The following DPP10 variants were observed in gnomAD, a reference collection of about 807,000 sequenced individuals.
The protein encoded by DPP10 is dipeptidyl peptidase like 10, also known as inactive dipeptidyl peptidase 10.
Under a neutral mutation model 120.9 loss-of-function variants are expected in DPP10, and 33 were observed. The observed-to-expected ratio is 0.27, with a 90% CI of 0.21 to 0.37. DPP10 has a LOEUF of 0.37. Among genes scored for constraint, DPP10 ranks in the 10% least tolerant of loss-of-function variants. The probability of loss-of-function intolerance (pLI) is 1.00; values close to 1 mark genes in which losing one functional copy is unlikely to be tolerated. For synonymous variants in DPP10, 337 were observed against 326.1 expected, an observed-to-expected ratio of 1.03 and a Z score of -0.36; for missense variants, 816 against 942.8, an observed-to-expected ratio of 0.87 and a Z score of 1.76.
At chr2:114,884,354 T>C (rs1388589975) in intron 1 of DPP10, among the ~76,000 whole-genome samples, 1 of 152,240 alleles carries the variant, frequency 6.6e-6, no homozygotes, top group Non-Finnish European at 1.5e-5. Flanking sequence ...TAGGTCTCAC[T>C]GAGCTAAAAT....
At chr2:114,451,077 G>A (rs1678246692) in intron 1 of DPP10, among the ~76,000 whole-genome samples, 1 of 151,058 alleles carries the variant, frequency 6.6e-6, no homozygotes, top group Admixed American at 6.6e-5. Flanking sequence ...TGTATTTAAA[G>A]ATCGGCCCTT....
chr2:114,529,960 T>C (rs556869994), intron 1 of DPP10, among the ~76,000 whole-genome samples: 10 of 152,270 alleles, frequency 6.6e-5, no homozygotes, highest in African/African-American at 2.2e-4. Context: ...TCTGTTCCTT[T>C]AATTTGCTAA....
chr2:114,632,454 GTTTTCC>G (rs983166202), intron 1 of DPP10, among the ~76,000 whole-genome samples: 2 of 110,018 alleles, frequency 1.8e-5, no homozygotes, highest in African/African-American at 6.9e-5. Context: ...TTTCCTTTTT[GTTTTCC>G]TTTTCTTTTG....
At chr2:115,193,258 A>G (rs969770596) in intron 1 of DPP10, among the ~76,000 whole-genome samples, 1 of 152,164 alleles carries the variant, frequency 6.6e-6, no homozygotes, top group Admixed American at 6.5e-5. Flanking sequence ...CAGTTAATTT[A>G]CTTTCGGACA....
chr2:115,821,930 T>A (rs1181907987), intron 21 of DPP10, among the ~76,000 whole-genome samples: 1 of 152,032 alleles, frequency 6.6e-6, no homozygotes, highest in Non-Finnish European at 1.5e-5. Context: ...CATGTTTACC[T>A]GTATAAGGAA....
At chr2:115,222,277 C>G (rs1281921114) in intron 1 of DPP10, among the ~76,000 whole-genome samples, 1 of 152,168 alleles carries the variant, frequency 6.6e-6, no homozygotes, top group Non-Finnish European at 1.5e-5. Context: ...CCAGAGGCAT[C>G]TCTAGCTCAA....
intron 1 of DPP10, among the ~76,000 whole-genome samples, chr2:114,476,955 A>C (rs1189723077): frequency 2.6e-5 from 4 of 151,310 alleles, no homozygotes; most frequent in Non-Finnish European, 1.5e-5. Flanking sequence ...GTTCTTTATA[A>C]AAATTGATTC....
chr2:115,690,282 T>C (rs895497075), intron 7 of DPP10, among the ~76,000 whole-genome samples: 2 of 152,204 alleles, frequency 1.3e-5, no homozygotes, highest in Non-Finnish European at 2.9e-5. Flanking sequence ...TAAAGCATTG[T>C]TCAGGGTAAA....
intron 1 of DPP10, among the ~76,000 whole-genome samples, chr2:115,213,781 T>A (rs1380874484): frequency 6.6e-6 from 1 of 152,108 alleles, no homozygotes; most frequent in East Asian, 1.9e-4. Context: ...CTGGCAGGTA[T>A]CTGATTCCTA....
At chr2:114,502,782 G>A (rs1683312087) in intron 1 of DPP10, among the ~76,000 whole-genome samples, 1 of 152,160 alleles carries the variant, frequency 6.6e-6, no homozygotes, top group Non-Finnish European at 1.5e-5. Context: ...ATCCTTGGGA[G>A]GGTTAAACCC....
chr2:114,772,603 T>C (rs1440171617), intron 1 of DPP10, among the ~76,000 whole-genome samples: 1 of 152,174 alleles, frequency 6.6e-6, no homozygotes, highest in African/African-American at 2.4e-5. Context: ...GTAATTATTG[T>C]ACTTTGAGGA....
intron 1 of DPP10, among the ~76,000 whole-genome samples, chr2:115,255,286 C>A (rs2058933939): frequency 6.6e-6 from 1 of 152,170 alleles, no homozygotes; most frequent in African/African-American, 2.4e-5. Flanking sequence ...TACCTTGGTC[C>A]CTTTTAGCCG....
intron 4 of DPP10, among the ~76,000 whole-genome samples, chr2:115,517,712 G>A (rs1039712249): frequency 1.3e-5 from 2 of 152,116 alleles, no homozygotes; most frequent in African/African-American, 4.8e-5. Context: ...GACAATACGT[G>A]AAGAGACAAA....
chr2:115,489,358 C>G (rs1277790090), intron 3 of DPP10, among the ~76,000 whole-genome samples: 3 of 151,910 alleles, frequency 2.0e-5, no homozygotes, highest in Non-Finnish European at 4.4e-5. Flanking sequence ...CAAACAGACT[C>G]TCTCTTGGCC....
intron 3 of DPP10, among the ~76,000 whole-genome samples, chr2:115,404,482 GGAAA>G (rs1320087947): frequency 6.6e-6 from 1 of 152,014 alleles, no homozygotes; most frequent in Non-Finnish European, 1.5e-5. Flanking sequence ...TAAACATTGA[GGAAA>G]GAAATTCAGG....
intron 1 of DPP10, among the ~76,000 whole-genome samples, chr2:114,716,827 T>A (rs1701379232): frequency 6.6e-6 from 1 of 152,188 alleles, no homozygotes; most frequent in Non-Finnish European, 1.5e-5. Flanking sequence ...AGTGTAAGGA[T>A]CCACTATTTG....
chr2:115,777,161 A>T (rs1361217629), intron 13 of DPP10, 47 bp from the exon 14 acceptor site: 21 of 1,544,188 alleles, frequency 1.4e-5, no homozygotes, highest in Non-Finnish European at 1.8e-5. Flanking sequence ...TACCAGAGAG[A>T]TGCTGTTTAA....
chr2:115,409,876 A>G (rs74336145), intron 3 of DPP10, among the ~76,000 whole-genome samples: 3,757 of 152,364 alleles, frequency 0.025, 69 homozygotes, highest in Non-Finnish European at 0.037. Context: ...CCTGGATGGA[A>G]ATGAAGACCA....
At chr2:114,471,215 G>A (rs1679881560) in intron 1 of DPP10, among the ~76,000 whole-genome samples, 1 of 152,122 alleles carries the variant, frequency 6.6e-6, no homozygotes, top group African/African-American at 2.4e-5. Context: ...AATAAAAGCT[G>A]TTATATTGTT....
Sources: gnomAD v4.1 joint callset for allele counts (sites outside exome capture counted in the v4.1 genomes callset) on GRCh38, gnomAD v4.1.1 for gene constraint, MANE v1.5 for transcripts, NCBI Gene and HGNC (gene_info 2026-07-23, HGNC 2026-07-21) for gene names.